The following EEPD1 variants were observed in gnomAD, a reference collection of about 807,000 sequenced individuals.
EEPD1 encodes the protein endonuclease/exonuclease/phosphatase family domain containing 1.
Under a neutral mutation model 46.3 loss-of-function variants are expected in EEPD1, and 17 were observed. The observed-to-expected ratio is 0.37, with a 90% CI of 0.25 to 0.55. The LOEUF (loss-of-function observed/expected upper bound fraction) is 0.55. Ranked by LOEUF, EEPD1 falls within the 20% of genes least tolerant of loss-of-function variation. The probability of loss-of-function intolerance (pLI) is 0.83; values close to 1 mark genes in which losing one functional copy is unlikely to be tolerated. For synonymous variants in EEPD1, 313 were observed against 315.6 expected, an observed-to-expected ratio of 0.99 and a Z score of 0.09; for missense variants, 673 against 745.6, an observed-to-expected ratio of 0.90 and a Z score of 1.13.
At chr7:36,249,553 C>T (rs887026469) in intron 3 of EEPD1, among the ~76,000 whole-genome samples, 10 of 152,144 alleles carry the variant, frequency 6.6e-5, no homozygotes. Flanking sequence ...GGTAGGTCTA[C>T]CCAAGGGCCT....
intron 3 of EEPD1, among the ~76,000 whole-genome samples, chr7:36,266,348 C>T (rs1204025143): frequency 6.6e-6 from 1 of 152,116 alleles, no homozygotes; most frequent in Non-Finnish European, 1.5e-5. Flanking sequence ...GCTCAGTAAC[C>T]ATATGTGAAG....
In EEPD1 at chr7:36,270,210, G is replaced by A. The variant is rs1381351898; in HGVS notation, c.931-10905G>A. Among the ~76,000 whole-genome samples the A allele has an allele frequency of 2.6e-5, 4 of 152,092 alleles. No individual in the cohort carries two copies. The East Asian group carries it at 7.7e-4, about 29-fold the overall frequency. ...TCCACCAAAAATATTAGCAGTAGTGGTCTTTGCACAGTGGTATTATACTTA... is the reference window on the plus strand; with the variant it reads ...TCCACCAAAAATATTAGCAGTAGTGATCTTTGCACAGTGGTATTATACTTA... On this transcript the variant is annotated intron_variant, in intron 3 of 7. Coordinates refer to ENST00000242108, the MANE Select transcript of EEPD1 (RefSeq NM_030636.3).
intron 3 of EEPD1, among the ~76,000 whole-genome samples, chr7:36,273,959 T>C (rs1219113773): frequency 6.6e-6 from 1 of 152,208 alleles, no homozygotes; most frequent in African/African-American, 2.4e-5. Flanking sequence ...TCTCCCTCCA[T>C]GAGCTCCTGG....
intron 2 of EEPD1, among the ~76,000 whole-genome samples, chr7:36,156,607 A>G (rs1305306555): frequency 6.6e-6 from 1 of 152,166 alleles, no homozygotes; most frequent in East Asian, 1.9e-4. Context: ...TAGTGGCTCA[A>G]TTTGGGAGGG....
chr7:36,287,473 A>G, intron 5 of EEPD1, 166 bp from the exon 6 acceptor site: 2 of 1,075,730 alleles, frequency 1.9e-6, no homozygotes, highest in Non-Finnish European at 2.6e-6. Flanking sequence ...CCTTGGAAAA[A>G]TCGAAGATGA....
intron 3 of EEPD1, among the ~76,000 whole-genome samples, chr7:36,245,041 G>T: frequency 6.6e-6 from 1 of 151,972 alleles, no homozygotes; most frequent in East Asian, 1.9e-4. Context: ...CACCTCCCAG[G>T]TGCAAGCAAT....
intron 3 of EEPD1, among the ~76,000 whole-genome samples, chr7:36,268,665 G>A (rs1787059702): frequency 1.3e-5 from 2 of 152,194 alleles, no homozygotes; most frequent in African/African-American, 4.8e-5. Flanking sequence ...TGTGCTGCCA[G>A]GTGTGGAATG....
intron 2 of EEPD1, among the ~76,000 whole-genome samples, chr7:36,165,633 G>T (rs4723485): frequency 0.39 from 48,854 of 124,138 alleles, 8,193 homozygotes; most frequent in African/African-American, 0.45. Context: ...TAGAGACAGG[G>T]TTTCCATGTT....
chr7:36,270,207 G>A (rs1787082153), intron 3 of EEPD1, among the ~76,000 whole-genome samples: 1 of 152,298 alleles, frequency 6.6e-6, no homozygotes, highest in South Asian at 2.1e-4. Flanking sequence ...ATTAGCAGTA[G>A]TGGTCTTTGC....
intron 2 of EEPD1, among the ~76,000 whole-genome samples, chr7:36,187,550 T>A (rs562163200): frequency 2.2e-4 from 33 of 152,346 alleles, no homozygotes; most frequent in Non-Finnish European, 3.8e-4. Flanking sequence ...TTGTCTGAGT[T>A]TACCCATGTT....
intron 3 of EEPD1, among the ~76,000 whole-genome samples, chr7:36,251,252 G>A (rs1028565877): frequency 3.9e-5 from 6 of 152,092 alleles, no homozygotes; most frequent in South Asian, 2.1e-4. Context: ...TTGCCTTCCC[G>A]TCATTTTTGC....
At chr7:36,196,609 T>C (rs971892110) in intron 2 of EEPD1, among the ~76,000 whole-genome samples, 2 of 152,246 alleles carry the variant, frequency 1.3e-5, no homozygotes, top group African/African-American at 4.8e-5. Context: ...GGACGGGGTT[T>C]CACTGTGTTG....
chr7:36,236,442 G>A (rs1488717810), intron 2 of EEPD1, among the ~76,000 whole-genome samples: 1 of 152,200 alleles, frequency 6.6e-6, no homozygotes, highest in Admixed American at 6.5e-5. Flanking sequence ...CCTCTTCGCG[G>A]GATTGTTGGC....
chr7:36,161,159 A>G (rs1463964637), intron 2 of EEPD1, among the ~76,000 whole-genome samples: 1 of 152,174 alleles, frequency 6.6e-6, no homozygotes, highest in African/African-American at 2.4e-5. Flanking sequence ...GACTATTTCT[A>G]TCAGGAGAGG....
intron 3 of EEPD1, among the ~76,000 whole-genome samples, chr7:36,253,260 T>C (rs1020045325): frequency 6.6e-6 from 1 of 152,238 alleles, no homozygotes; most frequent in Non-Finnish European, 1.5e-5. Context: ...ATTTCTCATG[T>C]TATTGATTTC....
Position 36,299,538 on chromosome 7 carries a change from G to C in EEPD1, c.*332G>C. 1 of 336,562 alleles carries C rather than the reference G, an allele frequency of 3.0e-6. No individual in the cohort carries two copies. The highest frequency in any genetic ancestry group is 6.0e-5 in the East Asian group (1 of 16,746). The allele number at this position is 336,562 out of a possible 1,614,324, so 20.8% of individuals were successfully genotyped here. On this transcript the variant is annotated 3_prime_UTR_variant, in exon 8 of 8. Transcript: ENST00000242108. ...ACAAAGACAATATGAGCAGAGGGAG[G>C]AGAAGAAGGGGTGCTCAGGCTGCGG...
At chr7:36,286,207 C>T (rs578172358) in intron 5 of EEPD1, among the ~76,000 whole-genome samples, 81 of 152,272 alleles carry the variant, frequency 5.3e-4, no homozygotes, top group African/African-American at 1.8e-3. Context: ...ATAAAGCAGC[C>T]CCCTAAACAG....
chr7:36,249,083 A>G (rs909635177), intron 3 of EEPD1, among the ~76,000 whole-genome samples: 2 of 151,542 alleles, frequency 1.3e-5, no homozygotes, highest in Admixed American at 6.6e-5. Context: ...AGGTATATTC[A>G]GGGGCTCTCA....
chr7:36,233,594 A>C (rs1240418926), intron 2 of EEPD1, among the ~76,000 whole-genome samples: 1 of 152,236 alleles, frequency 6.6e-6, no homozygotes, highest in Non-Finnish European at 1.5e-5. Flanking sequence ...CGATATACTC[A>C]TGCTTCAAGG....
Sources: allele counts gnomAD v4.1 joint callset (sites outside exome capture counted in the v4.1 genomes callset), GRCh38; gene constraint gnomAD v4.1.1; transcripts MANE v1.5; gene names NCBI Gene and HGNC (gene_info 2026-07-23, HGNC 2026-07-21).